The following RRM2 variants were observed in gnomAD, a reference collection of about 807,000 sequenced individuals.
The protein encoded by RRM2 is ribonucleotide reductase regulatory subunit M2.
Under a neutral mutation model 45.9 loss-of-function variants are expected in RRM2, and 6 were observed. That is an observed-to-expected ratio of 0.13 (90% CI 0.07 to 0.26). The LOEUF is 0.26. Ranked by LOEUF, RRM2 falls within the 10% of genes least tolerant of loss-of-function variation. The pLI is 1.00. For missense variants in RRM2, 343 were observed against 489.5 expected (o/e 0.70, Z 2.82); for synonymous variants, 177 against 173.0 (o/e 1.02, Z -0.18).
upstream of RRM2, among the ~76,000 whole-genome samples, chr2:10,140,256 AAAG>A (rs1663056536): frequency 6.6e-6 from 1 of 152,166 alleles, no homozygotes; most frequent in Non-Finnish European, 1.5e-5. Flanking sequence ...CTAAAAAAGA[AAAG>A]AAAAAAAAAT....
downstream of RRM2, among the ~76,000 whole-genome samples, chr2:10,132,726 G>A (rs1309736076): frequency 1.3e-5 from 2 of 152,208 alleles, no homozygotes; most frequent in Non-Finnish European, 2.9e-5. Flanking sequence ...ACCTAAAAGT[G>A]TTCAGTTAAG....
In RRM2 at chr2:10,205,352, A is replaced by G. The variant is rs147532152; in HGVS notation, n.483-4959A>G. On this transcript the variant is annotated intron_variant and non_coding_transcript_variant, in intron 3 of 3. Coordinates refer to the RRM2 transcript ENST00000381786. The surrounding 1 kb of genome is among the most constrained non-coding windows in gnomAD (Gnocchi z 4.8). The stretch of plus-strand genomic sequence containing the variant: ...CACTCAGCATCCTCCCCAGGTCAGA[A>G]CACATTTTGGGGCAGAACCGAGTTT... 2.8e-4 allele frequency among the ~76,000 whole-genome samples: 43 copies of G among 152,334 alleles called. No individual in the cohort carries two copies. In the East Asian group the frequency reaches 6.9e-3, roughly 25 times the overall value.
At chr2:10,166,616 CTG>C (rs1291248363) in intron 3 of RRM2, among the ~76,000 whole-genome samples, 1 of 152,234 alleles carries the variant, frequency 6.6e-6, no homozygotes, top group Non-Finnish European at 1.5e-5. Flanking sequence ...GCTGAAGAAA[CTG>C]AGGCCCGTCT....
At chr2:10,135,838 G>T (rs948464190), downstream of RRM2, among the ~76,000 whole-genome samples, 2 of 152,164 alleles carry the variant, frequency 1.3e-5, no homozygotes, top group African/African-American at 4.8e-5. Context: ...AAGCAACATG[G>T]TCTCTGCAGT....
intron 3 of RRM2, among the ~76,000 whole-genome samples, chr2:10,152,726 G>A (rs1478151651): frequency 6.6e-6 from 1 of 151,782 alleles, no homozygotes; most frequent in Non-Finnish European, 1.5e-5. Flanking sequence ...CAGGTGATTT[G>A]CCTGCCTCGG....
upstream of RRM2, among the ~76,000 whole-genome samples, chr2:10,138,862 CTT>C (rs1254496708): frequency 6.6e-6 from 1 of 152,108 alleles, no homozygotes; most frequent in Non-Finnish European, 1.5e-5. Flanking sequence ...AATCCCAACA[CTT>C]TGGGAGGCCA....
At chr2:10,163,588 C>T (rs1479290901) in intron 3 of RRM2, among the ~76,000 whole-genome samples, 1 of 152,208 alleles carries the variant, frequency 6.6e-6, no homozygotes, top group African/African-American at 2.4e-5. Context: ...AGATGGAGCC[C>T]ACTCATCCCG....
intron 3 of RRM2, among the ~76,000 whole-genome samples, chr2:10,188,554 C>T (rs1664218444): frequency 6.6e-6 from 1 of 152,150 alleles, no homozygotes; most frequent in Non-Finnish European, 1.5e-5. Context: ...ACCTCATCTC[C>T]AAATACGTCC....
chr2:10,210,187 G>A (rs773364259), intron 3 of RRM2: 1 of 488,564 alleles, frequency 2.0e-6, no homozygotes, highest in Non-Finnish European at 3.6e-6. Context: ...ACCTCCTTGT[G>A]GGCAGGAACC....
At chr2:10,173,602 C>A (rs1663848437) in intron 3 of RRM2, among the ~76,000 whole-genome samples, 1 of 152,250 alleles carries the variant, frequency 6.6e-6, no homozygotes, top group Non-Finnish European at 1.5e-5. Flanking sequence ...TTGGGAGCCT[C>A]ACCTGGAATC....
rs965723957 is a variant in RRM2, at chr2:10,191,607, G to A, written n.483-18704G>A. Among the ~76,000 whole-genome samples the A allele has an allele frequency of 2.0e-5, 3 of 152,128 alleles. No individual in the cohort carries two copies. In the East Asian group the frequency reaches 5.8e-4, roughly 29 times the overall value. ...CTCTGAGTTGGAGCGGAGCAGGGGCGGGAGAGAAGGCAATTGGGGCCTTCC... is the reference window on the plus strand; with the variant it reads ...CTCTGAGTTGGAGCGGAGCAGGGGCAGGAGAGAAGGCAATTGGGGCCTTCC... On this transcript the variant is annotated intron_variant and non_coding_transcript_variant, in intron 3 of 3. Coordinates refer to the RRM2 transcript ENST00000381786.
intron 3 of RRM2, among the ~76,000 whole-genome samples, chr2:10,151,350 T>G (rs1663309216): frequency 6.8e-6 from 1 of 147,868 alleles, no homozygotes; most frequent in African/African-American, 2.5e-5. Context: ...CAGACTGGAG[T>G]GCAGTGGTGC....
chr2:10,163,498 G>T (rs980950854), intron 3 of RRM2, among the ~76,000 whole-genome samples: 1 of 152,218 alleles, frequency 6.6e-6, no homozygotes, highest in African/African-American at 2.4e-5. Context: ...AGGGTTGGTT[G>T]TGTGATCTTG....
chr2:10,126,162 T>TAAA (rs532815964), intron 5 of RRM2, among the ~76,000 whole-genome samples: 14 of 89,360 alleles, frequency 1.6e-4, no homozygotes, highest in South Asian at 4.5e-4. Context: ...CTCATCTCTT[T>TAAA]AAAAAAAAAA....
chr2:10,150,309 C>T (rs1263240800), intron 3 of RRM2, among the ~76,000 whole-genome samples: 2 of 151,954 alleles, frequency 1.3e-5, no homozygotes, highest in East Asian at 1.9e-4. Context: ...TAGTCAGGCA[C>T]GGTGGCAGGT....
Position 10,131,140 on chromosome 2 carries a change from CTTTT to C in RRM2, c.*1755_*1758del, listed in dbSNP as rs1197090565. 6.6e-6 allele frequency: 1 copy of C among 152,126 alleles called. No homozygotes were observed. The highest frequency in any genetic ancestry group is 2.4e-5 in the African/African-American group (1 of 41,428). The allele number at this position is 152,126 out of a possible 1,614,324, so 9.4% of individuals were successfully genotyped here. On this transcript the variant is annotated 3_prime_UTR_variant, in exon 10 of 10. Transcript: ENST00000304567. ...TCTGTAATATGATACATTTTCCTAT[CTTTT>C]AAGTTATTGTTACCTAAAGTTAATC...
chr2:10,174,632 G>A (rs1358463435), intron 3 of RRM2, among the ~76,000 whole-genome samples: 2 of 151,852 alleles, frequency 1.3e-5, no homozygotes, highest in Admixed American at 1.3e-4. Flanking sequence ...CAGCACTTTG[G>A]GAGGACAAAG....
intron 3 of RRM2, among the ~76,000 whole-genome samples, chr2:10,197,359 G>A (rs78622053): frequency 0.069 from 10,453 of 152,216 alleles, 529 homozygotes; most frequent in African/African-American, 0.14. Context: ...TCTTCGTTTC[G>A]TCATGTTCCT....
At chr2:10,122,939 A>T in intron 1 of RRM2, 42 bp downstream of exon 1, 1 of 1,548,478 alleles carries the variant, frequency 6.5e-7, no homozygotes, top group East Asian at 2.4e-5. Flanking sequence ...GGAGGGAGGC[A>T]GGGAAAGCGA....
Sources: allele counts gnomAD v4.1 joint callset (sites outside exome capture counted in the v4.1 genomes callset), GRCh38; gene constraint gnomAD v4.1.1; non-coding constraint Gnocchi (gnomAD v3.1); transcripts MANE v1.5; gene names NCBI Gene and HGNC (gene_info 2026-07-23, HGNC 2026-07-21).